Variants in DGKG observed in about 807,000 individuals in gnomAD.
DGKG encodes the protein diacylglycerol kinase gamma.
DGKG carries 78 observed loss-of-function variants against 105.3 expected under a neutral mutation model. The ratio of observed to expected loss-of-function variants is 0.74; its 90% CI spans 0.62 to 0.89. The LOEUF (loss-of-function observed/expected upper bound fraction) is 0.89. Ranked by LOEUF, DGKG falls within the 40% of genes least tolerant of loss-of-function variation. DGKG has a pLI of 0.00. For missense variants in DGKG, 958 were observed against 1,020.1 expected, an observed-to-expected ratio of 0.94 and a Z score of 0.83; for synonymous variants, 346 against 367.1, an observed-to-expected ratio of 0.94 and a Z score of 0.66.
chr3:186,292,962 T>A (rs1723379765), intron 5 of DGKG, among the ~76,000 whole-genome samples: 1 of 152,224 alleles, frequency 6.6e-6, no homozygotes, highest in South Asian at 2.1e-4. Flanking sequence ...TGTGCTTTTT[T>A]AAAAACACAT....
chr3:186,318,757 G>A lies in DGKG; in HGVS notation c.67+1636C>T, dbSNP rs529302386. Among the ~76,000 whole-genome samples the A allele has an allele frequency of 1.3e-3, 197 of 152,260 alleles. 1 individual carries two copies. The South Asian group carries it at 0.018, about 14-fold the overall frequency. Reference sequence around the variant, plus strand: ...TCCACAGCTCTCAGAAGGAGCCAGCGCCGCTGACTCCTTGATTGTGGACTT... The same window carrying A: ...TCCACAGCTCTCAGAAGGAGCCAGCACCGCTGACTCCTTGATTGTGGACTT... On this transcript the variant is annotated intron_variant, in intron 2 of 24. Transcript: ENST00000265022.
intron 1 of DGKG, among the ~76,000 whole-genome samples, chr3:186,357,403 CA>C (rs1276593590): frequency 6.6e-6 from 1 of 151,928 alleles, no homozygotes; most frequent in Non-Finnish European, 1.5e-5. Context: ...GGCAGTAAAG[CA>C]AAAGGTCCAA....
chr3:186,323,510 C>T (rs36071580), intron 1 of DGKG, among the ~76,000 whole-genome samples: 23,327 of 152,158 alleles, frequency 0.15, 2,084 homozygotes, highest in Non-Finnish European at 0.21. Context: ...AAGAATGCCT[C>T]CTGCTGGGTG....
chr3:186,253,053 C>A (rs1215293694), intron 18 of DGKG, 40 bp downstream of exon 18: 1 of 1,566,316 alleles, frequency 6.4e-7, no homozygotes, highest in African/African-American at 1.4e-5. Context: ...TAAACAGGAA[C>A]ACCTGTTCCC....
chr3:186,274,854 G>T (rs1218323790), intron 10 of DGKG, among the ~76,000 whole-genome samples: 1 of 152,132 alleles, frequency 6.6e-6, no homozygotes, highest in African/African-American at 2.4e-5. Context: ...ACATACGTGT[G>T]CATGTGTCTT....
Position 186,242,722 on chromosome 3 carries a change from C to T in DGKG, c.1762-154G>A, listed in dbSNP as rs1720750286. On this transcript the variant is annotated intron_variant, in intron 19 of 24. Coordinates refer to ENST00000265022, the MANE Select transcript of DGKG (RefSeq NM_001346.3). ...CTCCAGGTCACATCCGCGGAGCCAA[C>T]AGAGGCTCAACACTGCCTCCAGGGG... The T allele has an allele frequency of 1.0e-5, 6 of 585,824 alleles. No individual in the cohort carries two copies. The Middle Eastern group carries it at 8.0e-4, about 78-fold the overall frequency. 36.3% of individuals were successfully genotyped at this position (585,824 alleles called of 1,614,324 possible).
At chr3:186,219,064 C>T (rs1719439781) in intron 20 of DGKG, among the ~76,000 whole-genome samples, 1 of 150,158 alleles carries the variant, frequency 6.7e-6, no homozygotes, top group Non-Finnish European at 1.5e-5. Flanking sequence ...ATTGACAGTA[C>T]TTTACCTGTT....
chr3:186,261,356 C>T (rs1170307913), intron 15 of DGKG, among the ~76,000 whole-genome samples: 4 of 152,178 alleles, frequency 2.6e-5, no homozygotes, highest in Admixed American at 6.5e-5. Flanking sequence ...GGCTGCCCAT[C>T]ATCTCTTAAA....
At chr3:186,285,410 G>C (rs993296540) in intron 6 of DGKG, among the ~76,000 whole-genome samples, 1 of 152,078 alleles carries the variant, frequency 6.6e-6, no homozygotes, top group African/African-American at 2.4e-5. Flanking sequence ...TAGTTATTAC[G>C]GAAGCCATCT....
chr3:186,280,818 T>C, intron 7 of DGKG, 74 bp from the exon 8 acceptor site: 1 of 1,315,902 alleles, frequency 7.6e-7, no homozygotes, highest in East Asian at 2.3e-5. Context: ...GAACTCAAAA[T>C]TAAGCCCAGT....
intron 7 of DGKG, among the ~76,000 whole-genome samples, chr3:186,282,336 T>C (rs1722867379): frequency 6.6e-6 from 1 of 152,212 alleles, no homozygotes; most frequent in African/African-American, 2.4e-5. Flanking sequence ...TGTCTTAAGG[T>C]AGGAGTCCAT....
At chr3:186,330,358 T>C (rs966206147) in intron 1 of DGKG, among the ~76,000 whole-genome samples, 1 of 152,226 alleles carries the variant, frequency 6.6e-6, no homozygotes, top group Non-Finnish European at 1.5e-5. Flanking sequence ...CTGTCACTAT[T>C]GTGGTCGTCA....
At chr3:186,322,041 C>T (rs559219585) in intron 1 of DGKG, among the ~76,000 whole-genome samples, 13 of 152,190 alleles carry the variant, frequency 8.5e-5, no homozygotes, top group Non-Finnish European at 1.8e-4. Context: ...TGCAATCTTT[C>T]TTTGCCATGG....
At chr3:186,293,242 G>T (rs543303074) in intron 5 of DGKG, among the ~76,000 whole-genome samples, 1 of 152,122 alleles carries the variant, frequency 6.6e-6, no homozygotes. Flanking sequence ...GAGTAGTTTC[G>T]CTGCCCTAAA....
At chr3:186,150,224 G>A in intron 24 of DGKG, 36 bp from the exon 25 acceptor site, 1 of 1,588,296 alleles carries the variant, frequency 6.3e-7, no homozygotes, top group Admixed American at 1.7e-5. Flanking sequence ...TTAGTGGCAT[G>A]CAAATCTCAG....
In DGKG at chr3:186,298,176, G is replaced by T. The variant is rs749411862; in HGVS notation, c.198C>A (p.Asp66Glu). The change falls in exon 4 of 25, where the codon GAC becomes GAA. Residue 66 changes from aspartate (D) to glutamate (E), a missense_variant. This residue lies in a region of DGKG where 643 missense variants were observed against 619.5 expected (regional missense o/e 1.04). Transcript: ENST00000265022. ...KLFMRAYLEV[D>E]LPQPLSTHLF... ...GGTGAGTGCTCAGTGGCTGGGGAAG[G>T]TCCACCTCCAGGTACGCCCTCATGA... The T allele has an allele frequency of 9.9e-6, 16 of 1,613,816 alleles. No individual in the cohort carries two copies. In the African/African-American group the frequency reaches 2.1e-4, roughly 22 times the overall value.
At chr3:186,291,133 G>T (rs573179925) in intron 5 of DGKG, among the ~76,000 whole-genome samples, 1 of 152,176 alleles carries the variant, frequency 6.6e-6, no homozygotes, top group Admixed American at 6.5e-5. Flanking sequence ...GACTTTGTAG[G>T]AATGTGAAAA....
At chr3:186,264,695 G>A (rs1324344833) in intron 14 of DGKG, among the ~76,000 whole-genome samples, 1 of 152,202 alleles carries the variant, frequency 6.6e-6, no homozygotes, top group African/African-American at 2.4e-5. Context: ...CAGAGCAGGA[G>A]GCCCCGGTTT....
In DGKG at chr3:186,203,929, C is replaced by A. The variant is rs56119958; in HGVS notation, c.1917+7866G>T. 6.6e-6 allele frequency among the ~76,000 whole-genome samples: 1 copy of A among 151,942 alleles called. No individual in the cohort carries two copies. Among genetic ancestry groups the A allele is most frequent in the Non-Finnish European group, 1.5e-5 (1 of 67,958 alleles). On this transcript the variant is annotated intron_variant, in intron 21 of 24. Coordinates refer to ENST00000265022, the MANE Select transcript of DGKG (RefSeq NM_001346.3). This position sits in a 1 kb window ranked among gnomAD's most constrained non-coding sequence, Gnocchi z 4.9. ...AAGGTTCAGATCATATCAGGAGAGA[C>A]CAAGACTTGAAGACCTCTTTCCCTC...
Sources: gnomAD v4.1 joint callset for allele counts (sites outside exome capture counted in the v4.1 genomes callset) on GRCh38, gnomAD v4.1.1 for gene constraint, gnomAD v4.1.1 regional missense constraint, Gnocchi (gnomAD v3.1) non-coding constraint, MANE v1.5 for transcripts, NCBI Gene and HGNC (gene_info 2026-07-23, HGNC 2026-07-21) for gene names.